UGT1A8: variants seen among roughly 807,000 people sequenced by gnomAD.
The protein encoded by UGT1A8 is UDP glucuronosyltransferase family 1 member A8, also known as UDP-glucuronosyltransferase 1A8.
UGT1A8 carries 39 observed loss-of-function variants against 45.3 expected under a neutral mutation model. That is an observed-to-expected ratio of 0.86 (90% confidence interval 0.67 to 1.12). UGT1A8 has a LOEUF of 1.12. Ranked by LOEUF, UGT1A8 falls within the 50% of genes most tolerant of loss-of-function variation. The pLI, the probability that UGT1A8 is intolerant of heterozygous loss-of-function variation, is 0.00. For missense variants in UGT1A8, 719 were observed against 664.9 expected (o/e 1.08, Z -0.90); for synonymous variants, 275 against 249.2 (o/e 1.10, Z -0.97).
Position 233,769,464 on chromosome 2 carries a change from C to T in UGT1A8, c.1295+1025C>T, listed in dbSNP as rs557481865. The T allele has an allele frequency of 3.3e-5, 50 of 1,503,294 alleles. No individual in the cohort carries two copies. The highest frequency in any genetic ancestry group is 4.1e-5 in the African/African-American group (3 of 72,468). 93.1% of individuals were successfully genotyped at this position (1,503,294 alleles called of 1,614,324 possible). A position where few individuals can be genotyped will look rare whatever the true frequency, so the allele number is the denominator to read the frequency against. ...GGGTGCACACGTGTGCATTCATATG[C>T]GTGTGTGTGTGTGTGCGTGTGTTTA... On this transcript the variant is annotated intron_variant, in intron 4 of 4. Coordinates refer to ENST00000373450, the MANE Select transcript of UGT1A8 (RefSeq NM_019076.5). This position sits in a 1 kb window ranked among gnomAD's most constrained non-coding sequence, Gnocchi z 4.4.
intron 1 of UGT1A8, chr2:233,693,200 C>A (rs1287023283): frequency 6.2e-7 from 1 of 1,614,122 alleles, no homozygotes; most frequent in Admixed American, 1.7e-5. Context: ...AGTTAATTTG[C>A]TTTTGAAAGA....
chr2:233,753,749 G>A (rs143381120), intron 1 of UGT1A8: 2 of 152,342 alleles, frequency 1.3e-5, no homozygotes, highest in African/African-American at 4.8e-5. Context: ...CAATAGGACA[G>A]TTTTGCGTGG....
At chr2:233,719,075 C>A in intron 1 of UGT1A8, 17 of 1,614,240 alleles carry the variant, frequency 1.1e-5, no homozygotes, top group Non-Finnish European at 1.4e-5. Flanking sequence ...TTCCATGGAC[C>A]CAGAAGGAAT....
Position 233,747,171 on chromosome 2 carries a change from A to G in UGT1A8, c.856-19863A>G, listed in dbSNP as rs1693579128. The G allele has an allele frequency of 1.1e-5, 18 of 1,596,132 alleles. No homozygotes were observed. In the South Asian group the frequency reaches 1.8e-4, roughly 16 times the overall value. ...GATGAAGAAAACAAATGTAGGAGGC[A>G]CAGCGTGGGGTGGACAGTCAGCTGT... On this transcript the variant is annotated intron_variant, in intron 1 of 4. Coordinates refer to ENST00000373450, the MANE Select transcript of UGT1A8 (RefSeq NM_019076.5).
rs1282665133 is a variant in UGT1A8, at chr2:233,671,794, T to C, written c.855+53232T>C. On this transcript the variant is annotated intron_variant, in intron 1 of 4. Coordinates refer to ENST00000373450, the MANE Select transcript of UGT1A8 (RefSeq NM_019076.5). Reference sequence around the variant, plus strand: ...TATTCTTGTTCTTTTGGGTAAATCATTGTCAGTGACTGATTTTTTTTTTAT... The same window carrying C: ...TATTCTTGTTCTTTTGGGTAAATCACTGTCAGTGACTGATTTTTTTTTTAT... The C allele has an allele frequency of 5.0e-6, 7 of 1,407,562 alleles. No homozygotes were observed. The East Asian group carries it at 1.5e-4, about 30-fold the overall frequency. The allele number at this position is 1,407,562 out of a possible 1,614,324, so 87.2% of individuals were successfully genotyped here. A position where few individuals can be genotyped will look rare whatever the true frequency, so the allele number is the denominator to read the frequency against.
intron 1 of UGT1A8, among the ~76,000 whole-genome samples, chr2:233,716,039 C>T (rs1263753435): frequency 6.6e-6 from 1 of 152,186 alleles, no homozygotes; most frequent in Non-Finnish European, 1.5e-5. Context: ...TGTCAGCATT[C>T]TGATTCTGTC....
At chr2:233,689,785 A>T (rs1001537463) in intron 1 of UGT1A8, 1 of 410,614 alleles carries the variant, frequency 2.4e-6, no homozygotes, top group Non-Finnish European at 4.8e-6. Flanking sequence ...ATATGTTATG[A>T]TGTGATCTGT....
In UGT1A8 at chr2:233,772,415, C is replaced by T. The variant is rs142077822; in HGVS notation, c.1449C>T (p.Tyr483=). The T allele has an allele frequency of 1.4e-5, 22 of 1,614,112 alleles. No homozygotes were observed. The highest frequency in any genetic ancestry group is 1.9e-5 in the Non-Finnish European group (22 of 1,180,056). Residue 483 remains tyrosine (Y), a synonymous_variant, in exon 5 of 5, where the codon TAC becomes TAT. Transcript: ENST00000373450. ...PAAHDLTWYQ[Y]HSLDVIGFLL... ...CCCACGACCTCACCTGGTACCAGTA[C>T]CATTCCTTGGACGTGATTGGTTTCC...
Position 233,747,399 on chromosome 2 carries a change from C to A in UGT1A8, c.856-19635C>A, listed in dbSNP as rs554943916. Reference sequence around the variant, plus strand: ...AGGCCACCAGGCGGTGGTCCTCACCCCAGAGGTGAATATGCACATCAAACA... The same window carrying A: ...AGGCCACCAGGCGGTGGTCCTCACCACAGAGGTGAATATGCACATCAAACA... On this transcript the variant is annotated intron_variant, in intron 1 of 4. Transcript: ENST00000373450. 2.5e-6 allele frequency: 4 copies of A among 1,606,666 alleles called. No individual in the cohort carries two copies. The East Asian group carries it at 8.9e-5, about 36-fold the overall frequency.
At chr2:233,748,206 C>A (rs553740973) in intron 1 of UGT1A8, 35 of 1,508,468 alleles carry the variant, frequency 2.3e-5, no homozygotes, top group Admixed American at 4.0e-5. Context: ...GTCGTAATAG[C>A]CTTCAGTGAG....
rs2126067607 is a variant in UGT1A8 at position 233,772,789 on chromosome 2, G to C, written c.*230G>C. 2 of 1,234,682 alleles carry C rather than the reference G, an allele frequency of 1.6e-6. No homozygotes were observed. Among genetic ancestry groups the C allele is most frequent in the Middle Eastern group, 2.9e-4 (1 of 3,420 alleles). The allele number at this position is 1,234,682 out of a possible 1,614,324, so 76.5% of individuals were successfully genotyped here. On this transcript the variant is annotated 3_prime_UTR_variant, in exon 5 of 5. Transcript: ENST00000373450. Reference sequence around the variant, plus strand: ...CCCCTCTGGTGTCTTTGATCAGGATGACATGTGCCATTTTTCAGAGGACGT... The same window carrying C: ...CCCCTCTGGTGTCTTTGATCAGGATCACATGTGCCATTTTTCAGAGGACGT...
intron 1 of UGT1A8, 57 bp from the exon 2 acceptor site, chr2:233,766,977 T>C: frequency 1.2e-6 from 2 of 1,612,554 alleles, no homozygotes; most frequent in Non-Finnish European, 1.7e-6. Context: ...ACTTACTGTA[T>C]GTAGTCATCA....
chr2:233,639,041 C>G (rs1409552282), intron 1 of UGT1A8, among the ~76,000 whole-genome samples: 8 of 152,206 alleles, frequency 5.3e-5, no homozygotes, highest in Non-Finnish European at 1.0e-4. Flanking sequence ...CTGCCACTTC[C>G]TGAACCCACG....
chr2:233,720,410 G>T (rs537588442), intron 1 of UGT1A8, among the ~76,000 whole-genome samples: 1 of 152,200 alleles, frequency 6.6e-6, no homozygotes, highest in South Asian at 2.1e-4. Flanking sequence ...GGGTGGAAGG[G>T]ACTAGGGAGG....
chr2:233,755,044 C>T (rs1695716601), intron 1 of UGT1A8: 3 of 1,324,814 alleles, frequency 2.3e-6, no homozygotes, highest in East Asian at 4.6e-5. Flanking sequence ...CCTGCGCAGC[C>T]GCCCTCCGCC....
rs945802131 is a variant in UGT1A8, at chr2:233,618,424, C to A, written c.717C>A (p.Val239=). Residue 239 remains valine (V), a synonymous_variant, in exon 1 of 5, where the codon GTC becomes GTA. Transcript: ENST00000373450. ...CCTCTGAAATTCTCCAAACACCTGT[C>A]ACAGCATATGATCTCTACAGCCACA... ...EIASEILQTP[V]TAYDLYSHTS... is the part of the protein sequence containing the mutation. 5.6e-6 allele frequency: 9 copies of A among 1,613,920 alleles called. No homozygotes were observed. The highest frequency in any genetic ancestry group is 7.6e-6 in the Non-Finnish European group (9 of 1,179,862).
rs562937698 is a variant in UGT1A8, at chr2:233,648,665, C to T, written c.855+30103C>T. 3.7e-4 allele frequency: 102 copies of T among 278,920 alleles called. 1 individual carries two copies. The highest frequency in any genetic ancestry group is 2.0e-3 in the African/African-American group (88 of 44,842). 17.3% of individuals were successfully genotyped at this position (278,920 alleles called of 1,614,324 possible). ...ATTTTTAGTGGAGACGGGGTTTCAC[C>T]GTGTTAGCCAGGATGGTCTCGATCT... On this transcript the variant is annotated intron_variant, in intron 1 of 4. Transcript: ENST00000373450.
At chr2:233,728,759 G>C (rs2077748525) in intron 1 of UGT1A8, among the ~76,000 whole-genome samples, 1 of 152,198 alleles carries the variant, frequency 6.6e-6, no homozygotes, top group Admixed American at 6.5e-5. Flanking sequence ...TGACTCCTCA[G>C]ACCTCAGCTG....
chr2:233,659,392 A>G (rs1213856587), intron 1 of UGT1A8, among the ~76,000 whole-genome samples: 3 of 152,232 alleles, frequency 2.0e-5, no homozygotes, highest in Admixed American at 2.0e-4. Flanking sequence ...TTTATGTGTT[A>G]TATACTGTAT....
Sources: gnomAD v4.1 joint callset for allele counts (sites outside exome capture counted in the v4.1 genomes callset) on GRCh38, gnomAD v4.1.1 for gene constraint, Gnocchi (gnomAD v3.1) non-coding constraint, MANE v1.5 for transcripts, NCBI Gene and HGNC (gene_info 2026-07-23, HGNC 2026-07-21) for gene names.